The following ARSB variants were observed in gnomAD, a reference collection of about 807,000 sequenced individuals.
ARSB encodes N-acetylgalactosamine-4-sulfatase.
A neutral mutation model predicts 50.9 loss-of-function variants in ARSB; 41 were observed. The observed-to-expected ratio is 0.81, with a 90% CI of 0.63 to 1.04. The LOEUF is 1.04. ARSB is among the 50% of genes least tolerant of loss of function. ARSB has a pLI of 0.00. For missense variants in ARSB, 672 were observed against 693.3 expected, an observed-to-expected ratio of 0.97 and a Z score of 0.35; for synonymous variants, 269 against 284.8, an observed-to-expected ratio of 0.94 and a Z score of 0.56.
intron 5 of ARSB, chr5:78,884,109 T>C (rs1283040372): frequency 1.3e-5 from 2 of 152,132 alleles, no homozygotes; most frequent in Non-Finnish European, 2.9e-5. Context: ...ACAATAGAGA[T>C]TGAAGATTTG....
At chr5:78,946,095 C>T (rs539955984) in intron 4 of ARSB, among the ~76,000 whole-genome samples, 3 of 152,164 alleles carry the variant, frequency 2.0e-5, no homozygotes, top group South Asian at 2.1e-4. Context: ...AATCAACTTG[C>T]GTTTAACAGA....
At chr5:78,936,129 C>CTTTT (rs56884992) in intron 4 of ARSB, among the ~76,000 whole-genome samples, 5 of 88,950 alleles carry the variant, frequency 5.6e-5, no homozygotes, top group African/African-American at 1.9e-4. Flanking sequence ...CTCTCTCTCT[C>CTTTT]TTTTTTTTTT....
chr5:78,934,827 G>A (rs1750506904), intron 4 of ARSB, among the ~76,000 whole-genome samples: 1 of 151,812 alleles, frequency 6.6e-6, no homozygotes, highest in African/African-American at 2.4e-5. Context: ...ATAAATAAAT[G>A]AGAAAATGTG....
chr5:78,839,543 G>A (rs1745101804), intron 5 of ARSB, 117 bp from the exon 6 acceptor site: 2 of 945,450 alleles, frequency 2.1e-6, no homozygotes, highest in Admixed American at 4.0e-5. Context: ...TAACAACTCT[G>A]TCATGAATTT....
At chr5:78,969,444 T>C (rs1316118778) in intron 1 of ARSB, among the ~76,000 whole-genome samples, 1 of 151,614 alleles carries the variant, frequency 6.6e-6, no homozygotes, top group Non-Finnish European at 1.5e-5. Context: ...CAAGGCACTA[T>C]GTTAGAAACC....
At chr5:78,958,888 T>A (rs576016608) in intron 3 of ARSB, among the ~76,000 whole-genome samples, 10 of 152,348 alleles carry the variant, frequency 6.6e-5, no homozygotes, top group African/African-American at 2.4e-4. Context: ...AAACATACCT[T>A]TCCCAAAAGA....
chr5:78,812,627 A>G (rs1005885902), intron 6 of ARSB, among the ~76,000 whole-genome samples: 8 of 146,190 alleles, frequency 5.5e-5, no homozygotes, highest in African/African-American at 2.0e-4. Flanking sequence ...ACACACACAC[A>G]CACATGATAT....
rs150565219 is a variant in ARSB at position 78,897,333 on chromosome 5, G to C, written c.899-11506C>G. On this transcript the variant is annotated intron_variant, in intron 4 of 7. Transcript: ENST00000264914. Reference sequence around the variant, plus strand: ...CTCACTAACTATCAGTAACACTCAAGTGAATTTCTAAAATACTCTCAGTAA... The same window carrying C: ...CTCACTAACTATCAGTAACACTCAACTGAATTTCTAAAATACTCTCAGTAA... Among the ~76,000 whole-genome samples the C allele has an allele frequency of 5.3e-5, 8 of 152,288 alleles. No individual in the cohort carries two copies. In the East Asian group the frequency reaches 1.5e-3, roughly 29 times the overall value.
At position 78,793,293 on chromosome 5, in the gene ARSB, C is replaced by T. The variant is rs563939897; in HGVS notation, c.1214-11319G>A. On this transcript the variant is annotated intron_variant, in intron 6 of 7. Coordinates refer to ENST00000264914, the MANE Select transcript of ARSB (RefSeq NM_000046.5). ...AAATGTGCCTCCTATAGTATCCATC[C>T]TATTATTTTCATGCTGCCTGCAGTG... 3.3e-5 allele frequency among the ~76,000 whole-genome samples: 5 copies of T among 152,276 alleles called. No homozygotes were observed. The South Asian group carries it at 1.0e-3, about 32-fold the overall frequency.
At chr5:78,815,592 A>G in intron 6 of ARSB, 2 of 986,098 alleles carry the variant, frequency 2.0e-6, no homozygotes, top group South Asian at 4.6e-5. Flanking sequence ...GGCTTTTCAA[A>G]ATTTCTGTTT....
chr5:78,800,682 C>G (rs2112644836), intron 6 of ARSB, among the ~76,000 whole-genome samples: 1 of 152,172 alleles, frequency 6.6e-6, no homozygotes. Flanking sequence ...ACTTAAGAAG[C>G]TTAGAATGAA....
In ARSB at chr5:78,936,087, CCG is replaced by C. The variant is rs1750580668; in HGVS notation, c.898+19206_898+19207del. On this transcript the variant is annotated intron_variant, in intron 4 of 7. Transcript: ENST00000264914. ...TCCCTCCCTCTCTTTCCCTTCCTCCCCGCCTCTCTCTCTTTCCCTCCATCCCT... is the reference window on the plus strand; with the variant it reads ...TCCCTCCCTCTCTTTCCCTTCCTCCCCCTCTCTCTCTTTCCCTCCATCCCT... Among the ~76,000 whole-genome samples the C allele has an allele frequency of 2.4e-5, 3 of 126,540 alleles. No individual in the cohort carries two copies. In the East Asian group the frequency reaches 7.8e-4, roughly 33 times the overall value. 83.0% of individuals were successfully genotyped at this position (126,540 alleles called of 152,430 possible).
chr5:78,829,412 C>T (rs1436709980), intron 6 of ARSB, among the ~76,000 whole-genome samples: 4 of 152,184 alleles, frequency 2.6e-5, no homozygotes, highest in African/African-American at 7.2e-5. Flanking sequence ...CCTAATCACT[C>T]CCAAATGCTG....
chr5:78,898,156 T>C (rs1400238895), intron 4 of ARSB, among the ~76,000 whole-genome samples: 1 of 152,026 alleles, frequency 6.6e-6, no homozygotes, highest in Non-Finnish European at 1.5e-5. Context: ...TAATCCAAGC[T>C]ACTCAGGAGG....
intron 4 of ARSB, among the ~76,000 whole-genome samples, chr5:78,930,499 T>C (rs1158355604): frequency 6.6e-6 from 1 of 152,154 alleles, no homozygotes; most frequent in Non-Finnish European, 1.5e-5. Flanking sequence ...GCTGATTAGA[T>C]ATGGCCCATA....
At chr5:78,794,956 C>T (rs1250036952) in intron 6 of ARSB, among the ~76,000 whole-genome samples, 4 of 152,206 alleles carry the variant, frequency 2.6e-5, no homozygotes, top group Admixed American at 6.5e-5. Context: ...AGCTCTCCTA[C>T]TTCATAACTC....
intron 4 of ARSB, among the ~76,000 whole-genome samples, chr5:78,945,037 A>G (rs552442949): frequency 9.2e-5 from 14 of 152,124 alleles, no homozygotes; most frequent in Non-Finnish European, 2.1e-4. Flanking sequence ...CTGCTGTACT[A>G]GCAATGAGCG....
At chr5:78,881,162 G>T (rs1479061259) in intron 5 of ARSB, among the ~76,000 whole-genome samples, 3 of 152,044 alleles carry the variant, frequency 2.0e-5, no homozygotes, top group Admixed American at 6.6e-5. Flanking sequence ...AACCCAGGAG[G>T]CAGAGATCGC....
At chr5:78,800,647 T>G (rs964872589) in intron 6 of ARSB, among the ~76,000 whole-genome samples, 1 of 152,206 alleles carries the variant, frequency 6.6e-6, no homozygotes, top group South Asian at 2.1e-4. Context: ...AAGGTACTGT[T>G]TTAGATACCA....
Sources: gnomAD v4.1 joint callset for allele counts (sites outside exome capture counted in the v4.1 genomes callset) on GRCh38, gnomAD v4.1.1 for gene constraint, MANE v1.5 for transcripts, NCBI Gene and HGNC (gene_info 2026-07-23, HGNC 2026-07-21) for gene names.